SYT6: variants seen among roughly 807,000 people sequenced by gnomAD.
The protein encoded by SYT6 is synaptotagmin 6.
In SYT6, 24 loss-of-function variants were observed where a neutral mutation model predicts 38.4. That is an observed-to-expected ratio of 0.62 (90% confidence interval 0.45 to 0.88). The LOEUF is 0.88. SYT6 is among the 40% of genes least tolerant of loss of function. The pLI is 0.00. For missense variants in SYT6, 611 were observed against 621.0 expected (o/e 0.98, Z 0.17); for synonymous variants, 265 against 241.9 (o/e 1.10, Z -0.89).
chr1:114,150,259 G>C (rs543235214), intron 1 of SYT6, among the ~76,000 whole-genome samples: 1 of 152,246 alleles, frequency 6.6e-6, no homozygotes, highest in Admixed American at 6.5e-5. Flanking sequence ...CCTACTTGAC[G>C]TTCTCATCAA....
chr1:114,153,483 T>C, intron 1 of SYT6, 127 bp downstream of exon 1: 1 of 539,890 alleles, frequency 1.9e-6, no homozygotes, highest in Non-Finnish European at 3.3e-6. Flanking sequence ...CGAGGCTGGC[T>C]CCCAATCCAG....
intron 1 of SYT6, among the ~76,000 whole-genome samples, chr1:114,147,324 A>AG (rs1157224248): frequency 1.3e-5 from 2 of 152,264 alleles, no homozygotes; most frequent in Non-Finnish European, 2.9e-5. Flanking sequence ...AGATCATGGA[A>AG]GAAAAACCTA....
At chr1:114,100,106 T>G (rs2101628601) in intron 4 of SYT6, among the ~76,000 whole-genome samples, 1 of 152,318 alleles carries the variant, frequency 6.6e-6, no homozygotes, top group East Asian at 1.9e-4. Flanking sequence ...GAATGGGTAT[T>G]TCATGGTCAT....
intron 6 of SYT6, among the ~76,000 whole-genome samples, chr1:114,094,189 A>G (rs897327014): frequency 2.2e-4 from 33 of 152,352 alleles, no homozygotes; most frequent in African/African-American, 7.5e-4. Flanking sequence ...GAGTTTTCCT[A>G]TGAAGATAAA....
intron 3 of SYT6, among the ~76,000 whole-genome samples, chr1:114,109,686 G>A (rs189139692): frequency 1.7e-4 from 26 of 152,328 alleles, no homozygotes; most frequent in Admixed American, 1.7e-3. Context: ...TCACGGTCTT[G>A]GAACAGGGGC....
chr1:114,131,243 G>A (rs1678131346), intron 3 of SYT6, among the ~76,000 whole-genome samples: 1 of 152,116 alleles, frequency 6.6e-6, no homozygotes, highest in Non-Finnish European at 1.5e-5. Flanking sequence ...TACTCTGCAA[G>A]TAGTTATTAT....
chr1:114,126,525 C>T (rs774823733), intron 3 of SYT6, among the ~76,000 whole-genome samples: 2 of 152,168 alleles, frequency 1.3e-5, no homozygotes, highest in Non-Finnish European at 2.9e-5. Context: ...CAAATAGTCT[C>T]TCTCCAGGAG....
intron 3 of SYT6, among the ~76,000 whole-genome samples, chr1:114,122,626 G>C (rs1677483858): frequency 6.6e-6 from 1 of 152,196 alleles, no homozygotes; most frequent in Non-Finnish European, 1.5e-5. Flanking sequence ...AGGAGGCAGA[G>C]AGGAGCGCAG....
chr1:114,130,466 A>C (rs1203487208), intron 3 of SYT6, among the ~76,000 whole-genome samples: 1 of 151,360 alleles, frequency 6.6e-6, no homozygotes, highest in African/African-American at 2.4e-5. Context: ...TTGCTGCCTG[A>C]CCCTCTTTCT....
At position 114,137,706 on chromosome 1, in the gene SYT6, C is replaced by G. The variant is rs373704316; in HGVS notation, c.860G>C (p.Arg287Pro). 6.2e-7 allele frequency: 1 copy of G among 1,613,840 alleles called. No individual in the cohort carries two copies. The highest frequency in any genetic ancestry group is 2.2e-5 in the East Asian group (1 of 44,882). Reference sequence around the variant, plus strand: ...ATCAAAGGTGGGGTTCAGGGTCTTGCGGTGCACCCGGGTCTGCAGCTTGCA... The same window carrying G: ...ATCAAAGGTGGGGTTCAGGGTCTTGGGGTGCACCCGGGTCTGCAGCTTGCA... Reference protein sequence around the residue: ...RKCKLQTRVHRKTLNPTFDEN... With the variant: ...RKCKLQTRVHPKTLNPTFDEN... Residue 287 changes from arginine to proline, a missense_variant, in exon 3 of 8, where the codon CGC (arginine) becomes CCC (proline). By Grantham distance (103) the Arg-to-Pro change is moderately radical. Transcript: ENST00000610222.
In SYT6 at chr1:114,153,848, C is replaced by G; in HGVS notation, c.-76G>C. 1 of 565,976 alleles carries G rather than the reference C, an allele frequency of 1.8e-6. No individual in the cohort carries two copies. Among genetic ancestry groups the G allele is most frequent in the South Asian group, 2.1e-5 (1 of 46,602 alleles). The allele number at this position is 565,976 out of a possible 1,614,324, so 35.1% of individuals were successfully genotyped here. On this transcript the variant is annotated 5_prime_UTR_variant, in exon 1 of 8. Transcript: ENST00000610222. ...CGCACTGGGGCGGGGCACGACGGCC[C>G]CAAGAAGACCCTCCCTGCAGCGGCC...
intron 3 of SYT6, among the ~76,000 whole-genome samples, chr1:114,121,656 G>A (rs1454802786): frequency 6.6e-6 from 1 of 152,168 alleles, no homozygotes. Context: ...GTTATATAGT[G>A]TGTAAGGAAA....
chr1:114,091,631 G>C lies in SYT6; in HGVS notation c.*503C>G. 1 of 166,110 alleles carries C rather than the reference G, an allele frequency of 6.0e-6. No homozygotes were observed. Among genetic ancestry groups the C allele is most frequent in the Non-Finnish European group, 1.3e-5 (1 of 77,228 alleles). The allele number at this position is 166,110 out of a possible 1,614,324, so 10.3% of individuals were successfully genotyped here. On this transcript the variant is annotated 3_prime_UTR_variant, in exon 8 of 8. Coordinates refer to ENST00000610222, the MANE Select transcript of SYT6 (RefSeq NM_001253772.2). ...CGCCTCCTCCTTTTCCAGGGTTGTG[G>C]AGCTTGCTGGAGACGCAGCATTTCA...
intron 1 of SYT6, among the ~76,000 whole-genome samples, chr1:114,141,927 T>A (rs1201640819): frequency 6.6e-6 from 1 of 152,218 alleles, no homozygotes. Flanking sequence ...TTACTGAATA[T>A]TTTAAGCCCA....
At chr1:114,104,765 G>C (rs1052742098) in intron 3 of SYT6, among the ~76,000 whole-genome samples, 2 of 152,038 alleles carry the variant, frequency 1.3e-5, no homozygotes, top group African/African-American at 4.8e-5. Flanking sequence ...GGATATAGGA[G>C]AGAACAAAAC....
chr1:114,135,461 C>T (rs189756161), intron 3 of SYT6, among the ~76,000 whole-genome samples: 2 of 152,286 alleles, frequency 1.3e-5, no homozygotes, highest in East Asian at 3.9e-4. Flanking sequence ...CCATGCCTGG[C>T]ACAGTGTTCT....
intron 3 of SYT6, among the ~76,000 whole-genome samples, chr1:114,113,926 C>T (rs887518518): frequency 5.9e-5 from 9 of 152,210 alleles, no homozygotes; most frequent in African/African-American, 1.7e-4. Flanking sequence ...GGGCCCTCCA[C>T]GAACGGGGCT....
chr1:114,109,404 G>A (rs1156393804), intron 3 of SYT6, among the ~76,000 whole-genome samples: 1 of 152,208 alleles, frequency 6.6e-6, no homozygotes, highest in Non-Finnish European at 1.5e-5. Context: ...ATGTGGATTT[G>A]GGGTCAGGCA....
chr1:114,122,772 T>G (rs1446482927), intron 3 of SYT6, among the ~76,000 whole-genome samples: 1 of 151,996 alleles, frequency 6.6e-6, no homozygotes, highest in Non-Finnish European at 1.5e-5. Context: ...TCAGCAGGAG[T>G]TGGAGTTACA....
Sources: gnomAD v4.1 joint callset for allele counts (sites outside exome capture counted in the v4.1 genomes callset) on GRCh38, gnomAD v4.1.1 for gene constraint, MANE v1.5 for transcripts, NCBI Gene and HGNC (gene_info 2026-07-23, HGNC 2026-07-21) for gene names.